Variants in TRIO observed in about 807,000 individuals in gnomAD.
The protein encoded by TRIO is triple functional domain protein.
A neutral mutation model predicts 351.9 loss-of-function variants in TRIO; 58 were observed. The ratio of observed to expected loss-of-function variants is 0.16; its 90% confidence interval spans 0.13 to 0.21. The LOEUF (loss-of-function observed/expected upper bound fraction) is 0.21. TRIO is among the 10% of genes least tolerant of loss of function. TRIO has a pLI of 1.00. For synonymous variants in TRIO, 1,758 were observed against 1,595.7 expected (o/e 1.10, Z -2.42); for missense variants, 3,201 against 4,027.8 (o/e 0.79, Z 5.56).
At chr5:14,395,974 AG>A (rs1474616665) in intron 28 of TRIO, among the ~76,000 whole-genome samples, 1 of 141,758 alleles carries the variant, frequency 7.1e-6, no homozygotes, top group Non-Finnish European at 1.5e-5. Context: ...TGAACCTGGG[AG>A]GCAGAGCTTG....
At chr5:14,262,802 G>C (rs569910491) in intron 1 of TRIO, among the ~76,000 whole-genome samples, 6 of 152,042 alleles carry the variant, frequency 3.9e-5, no homozygotes, top group Non-Finnish European at 8.8e-5. Context: ...ACTGTGGGGA[G>C]CAGGTTTGTG....
rs40490 is a variant in TRIO, at chr5:14,476,859, G to T, written c.6084-35G>T. On this transcript the variant is annotated intron_variant, in intron 40 of 56. Coordinates refer to ENST00000344204, the MANE Select transcript of TRIO (RefSeq NM_007118.4). ...AAATCTAAAATTAGAAGGCCACACT[G>T]GAAATAGTTCTAATATTTTCTCCTT... 157,005 of 1,566,054 alleles carry T rather than the reference G, an allele frequency of 0.1. 8,559 individuals carry two copies. The highest frequency in any genetic ancestry group is 0.19 in the Admixed American group (11,006 of 57,056).
intron 31 of TRIO, among the ~76,000 whole-genome samples, chr5:14,405,397 A>G (rs529786000): frequency 6.6e-6 from 1 of 152,336 alleles, no homozygotes; most frequent in East Asian, 1.9e-4. Flanking sequence ...AGGTGGTGGC[A>G]GCTGCGCCGC....
intron 26 of TRIO, 152 bp from the exon 27 acceptor site, chr5:14,390,749 T>C: frequency 1.5e-6 from 1 of 656,388 alleles, no homozygotes; most frequent in African/African-American, 1.9e-5. Flanking sequence ...GAACGATGTG[T>C]TTCTTATTTC....
intron 28 of TRIO, among the ~76,000 whole-genome samples, chr5:14,396,296 G>T (rs878994918): frequency 1.3e-5 from 2 of 151,804 alleles, no homozygotes; most frequent in Admixed American, 6.6e-5. Flanking sequence ...TGGCTGGTCC[G>T]GTTTAGATGG....
chr5:14,283,557 A>G (rs1736190623), intron 3 of TRIO, among the ~76,000 whole-genome samples: 1 of 152,324 alleles, frequency 6.6e-6, no homozygotes, highest in Non-Finnish European at 1.5e-5. Context: ...ATATAGTGCA[A>G]TAATTTTCTG....
At chr5:14,291,893 A>G (rs1346910707) in intron 5 of TRIO, among the ~76,000 whole-genome samples, 2 of 151,608 alleles carry the variant, frequency 1.3e-5, no homozygotes, top group Non-Finnish European at 2.9e-5. Context: ...AATCAAGATG[A>G]GTAATGTGTT....
chr5:14,460,313 T>G (rs1753680192), intron 34 of TRIO, among the ~76,000 whole-genome samples: 1 of 152,206 alleles, frequency 6.6e-6, no homozygotes, highest in African/African-American at 2.4e-5. Context: ...GTGAGCAAAG[T>G]CCCGGTGTGC....
At chr5:14,291,853 C>G (rs1333403623) in intron 5 of TRIO, among the ~76,000 whole-genome samples, 1 of 145,574 alleles carries the variant, frequency 6.9e-6, no homozygotes, top group Non-Finnish European at 1.5e-5. Flanking sequence ...TGACAAAACA[C>G]CATTCCAATC....
At position 14,228,351 on chromosome 5, in the gene TRIO, G is replaced by A. The variant is rs189379561; in HGVS notation, c.158-42474G>A. On this transcript the variant is annotated intron_variant, in intron 1 of 56. Coordinates refer to ENST00000344204, the MANE Select transcript of TRIO (RefSeq NM_007118.4). Reference sequence around the variant, plus strand: ...ACTGTTCCCTGCCGGGGGAACAGCCGCAAACATGTGAGCCTGTGGTTGACA... The same window carrying A: ...ACTGTTCCCTGCCGGGGGAACAGCCACAAACATGTGAGCCTGTGGTTGACA... 2.6e-5 allele frequency among the ~76,000 whole-genome samples: 4 copies of A among 152,314 alleles called. No individual in the cohort carries two copies. The East Asian group carries it at 7.7e-4, about 29-fold the overall frequency.
chr5:14,341,190 A>G (rs1479764838), intron 11 of TRIO, among the ~76,000 whole-genome samples: 2 of 152,128 alleles, frequency 1.3e-5, no homozygotes, highest in African/African-American at 4.8e-5. Flanking sequence ...TATTCACATC[A>G]GTTCTGTTGA....
intron 9 of TRIO, among the ~76,000 whole-genome samples, chr5:14,325,389 A>G (rs1734385203): frequency 6.6e-6 from 1 of 152,212 alleles, no homozygotes; most frequent in Non-Finnish European, 1.5e-5. Context: ...TCCACTCAGC[A>G]TGGAAGGCAA....
At chr5:14,486,241 C>T (rs1755905863) in intron 47 of TRIO, among the ~76,000 whole-genome samples, 1 of 152,218 alleles carries the variant, frequency 6.6e-6, no homozygotes, top group African/African-American at 2.4e-5. Flanking sequence ...TGTTCGTATT[C>T]ACGGTCTGCA....
intron 34 of TRIO, among the ~76,000 whole-genome samples, chr5:14,428,563 G>T (rs1022349148): frequency 1.3e-5 from 2 of 152,250 alleles, no homozygotes; most frequent in South Asian, 2.1e-4. Flanking sequence ...TCTGAGACCT[G>T]TGATTAAGGA....
rs1273699279 is a variant in TRIO at position 14,286,487 on chromosome 5, G to A, written c.348-384G>A. Among the ~76,000 whole-genome samples, 1 of 152,120 alleles carries A rather than the reference G, an allele frequency of 6.6e-6. No homozygotes were observed. Among genetic ancestry groups the A allele is most frequent in the Non-Finnish European group, 1.5e-5 (1 of 68,026 alleles). On this transcript the variant is annotated intron_variant, in intron 3 of 56. Transcript: ENST00000344204. This position sits in a 1 kb window ranked among gnomAD's most constrained non-coding sequence, Gnocchi z 4.4. ...TTTTGTTGCAGGCTGTCAGGGTTTTGTACTCACCCGATGCTCCCTGGAGAC... is the reference window on the plus strand; with the variant it reads ...TTTTGTTGCAGGCTGTCAGGGTTTTATACTCACCCGATGCTCCCTGGAGAC...
intron 54 of TRIO, among the ~76,000 whole-genome samples, chr5:14,503,683 G>T (rs980476497): frequency 6.6e-6 from 1 of 152,248 alleles, no homozygotes; most frequent in East Asian, 1.9e-4. Context: ...GCCAGAGCCA[G>T]CCCCAGGCAG....
At chr5:14,386,025 C>CA (rs1208131547) in intron 21 of TRIO, among the ~76,000 whole-genome samples, 2 of 152,184 alleles carry the variant, frequency 1.3e-5, no homozygotes, top group African/African-American at 4.8e-5. Context: ...GTGACGTTCT[C>CA]ACAGGAGAAG....
chr5:14,478,368 T>C (rs1265241463), intron 41 of TRIO, among the ~76,000 whole-genome samples: 1 of 152,232 alleles, frequency 6.6e-6, no homozygotes, highest in African/African-American at 2.4e-5. Flanking sequence ...CCATTGGTTT[T>C]GCACATCAGC....
chr5:14,396,960 G>C, intron 28 of TRIO, 83 bp from the exon 29 acceptor site: 1 of 1,183,286 alleles, frequency 8.5e-7, no homozygotes, highest in Non-Finnish European at 1.2e-6. Flanking sequence ...AAAGCCATGG[G>C]CTTTCATAAA....
Sources: gnomAD v4.1 joint callset for allele counts (sites outside exome capture counted in the v4.1 genomes callset) on GRCh38, gnomAD v4.1.1 for gene constraint, Gnocchi (gnomAD v3.1) non-coding constraint, MANE v1.5 for transcripts, NCBI Gene and HGNC (gene_info 2026-07-23, HGNC 2026-07-21) for gene names.